Variants in KBTBD12 observed in about 807,000 individuals in gnomAD.
KBTBD12 encodes the protein kelch repeat and BTB domain containing 12.
In KBTBD12, 53 loss-of-function variants were observed where a neutral mutation model predicts 58.7. The observed-to-expected ratio is 0.90, with a 90% CI of 0.72 to 1.14. The LOEUF is 1.14. Ranked by LOEUF, KBTBD12 falls within the 50% of genes most tolerant of loss-of-function variation. KBTBD12 has a pLI of 0.00. For missense variants in KBTBD12, 704 were observed against 751.3 expected (o/e 0.94, Z 0.74); for synonymous variants, 236 against 259.8 (o/e 0.91, Z 0.88).
intron 4 of KBTBD12, among the ~76,000 whole-genome samples, chr3:127,956,251 G>C (rs1438698632): frequency 6.6e-6 from 1 of 152,062 alleles, no homozygotes; most frequent in Non-Finnish European, 1.5e-5. Flanking sequence ...AAAGACCAAA[G>C]TTTACCTGTG....
At chr3:127,920,356 A>C (rs1216056089) in intron 1 of KBTBD12, among the ~76,000 whole-genome samples, 1 of 151,168 alleles carries the variant, frequency 6.6e-6, no homozygotes, top group African/African-American at 2.4e-5. Flanking sequence ...TGTTTGTGAG[A>C]TACAGCCATG....
chr3:127,939,210 C>T (rs1280824392), intron 4 of KBTBD12, among the ~76,000 whole-genome samples: 2 of 152,184 alleles, frequency 1.3e-5, no homozygotes, highest in African/African-American at 4.8e-5. Flanking sequence ...GAAGAAACTT[C>T]CTCTCCATTT....
chr3:127,962,552 C>A lies in KBTBD12; in HGVS notation c.1493-637C>A, dbSNP rs74522456. The stretch of plus-strand genomic sequence containing the variant: ...ACAGCAGGAAACATGTTTTATGCAT[C>A]TTTCAGAACTCCTTATTATAACTTA... On this transcript the variant is annotated intron_variant, in intron 4 of 5. Coordinates refer to ENST00000405109, the MANE Select transcript of KBTBD12 (RefSeq NM_207335.4). Among the ~76,000 whole-genome samples the A allele has an allele frequency of 6.2e-3, 948 of 152,300 alleles. 10 individuals are homozygous for A. Among genetic ancestry groups the A allele is most frequent in the African/African-American group, 0.021 (893 of 41,568 alleles).
At chr3:127,957,300 T>TG (rs1940338854) in intron 4 of KBTBD12, among the ~76,000 whole-genome samples, 1 of 152,222 alleles carries the variant, frequency 6.6e-6, no homozygotes, top group Admixed American at 6.5e-5. Context: ...CAAGCATCCT[T>TG]TAGAAGATAT....
intron 4 of KBTBD12, among the ~76,000 whole-genome samples, chr3:127,954,440 T>C (rs1057157649): frequency 3.9e-5 from 6 of 152,212 alleles, no homozygotes; most frequent in African/African-American, 1.4e-4. Context: ...GATTTAAATA[T>C]GGTACCAGGG....
intron 5 of KBTBD12, among the ~76,000 whole-genome samples, chr3:127,983,134 G>A (rs1940901811): frequency 6.6e-6 from 1 of 152,224 alleles, no homozygotes; most frequent in South Asian, 2.1e-4. Flanking sequence ...ACAACGGCAT[G>A]CCCTGTCAGA....
chr3:127,934,590 TA>T, intron 4 of KBTBD12, among the ~76,000 whole-genome samples: 1 of 152,242 alleles, frequency 6.6e-6, no homozygotes, highest in East Asian at 1.9e-4. Flanking sequence ...TCATGTAGGA[TA>T]AATTCCCAGA....
At chr3:127,966,425 G>A (rs1271907738) in intron 5 of KBTBD12, among the ~76,000 whole-genome samples, 1 of 152,228 alleles carries the variant, frequency 6.6e-6, no homozygotes, top group African/African-American at 2.4e-5. Context: ...GGCTATGCCA[G>A]GAGAGGTGTC....
intron 4 of KBTBD12, among the ~76,000 whole-genome samples, chr3:127,935,250 G>A (rs1013430526): frequency 2.6e-5 from 4 of 152,080 alleles, no homozygotes; most frequent in Non-Finnish European, 4.4e-5. Context: ...CTGTAAAGCA[G>A]CAATTGTGAT....
intron 2 of KBTBD12, among the ~76,000 whole-genome samples, chr3:127,924,760 T>A (rs1939524755): frequency 1.3e-5 from 2 of 152,232 alleles, no homozygotes; most frequent in Admixed American, 6.5e-5. Context: ...AAAATGTTTG[T>A]AGTTGAAGAA....
chr3:127,918,570 G>C (rs1023748838), intron 1 of KBTBD12, among the ~76,000 whole-genome samples: 7 of 152,138 alleles, frequency 4.6e-5, no homozygotes, highest in African/African-American at 1.7e-4. Context: ...AAATTAGCTG[G>C]GGGTGGTGGC....
intron 5 of KBTBD12, among the ~76,000 whole-genome samples, chr3:127,980,367 T>G (rs2107618088): frequency 6.6e-6 from 1 of 152,348 alleles, no homozygotes; most frequent in South Asian, 2.1e-4. Context: ...TCTCGCTCTG[T>G]CGCGCAGGCT....
In KBTBD12 at chr3:127,915,563, C is replaced by G. The variant is rs1218890098; in HGVS notation, c.-136C>G. The G allele has an allele frequency of 6.6e-6, 1 of 152,368 alleles. No individual in the cohort carries two copies. Among genetic ancestry groups the G allele is most frequent in the African/African-American group, 2.4e-5 (1 of 41,478 alleles). The allele number at this position is 152,368 out of a possible 1,614,324, so 9.4% of individuals were successfully genotyped here. On this transcript the variant is annotated 5_prime_UTR_variant, in exon 1 of 6. Coordinates refer to ENST00000405109, the MANE Select transcript of KBTBD12 (RefSeq NM_207335.4). ...GGTCGTGGCCCAGCGAGTGGGGACG[C>G]GCCCCGAACCAGGCAGCACCTTCGT... is the stretch of plus-strand genomic sequence containing the variant.
intron 5 of KBTBD12, among the ~76,000 whole-genome samples, chr3:127,969,568 C>T (rs1014330776): frequency 6.6e-6 from 1 of 152,148 alleles, no homozygotes; most frequent in African/African-American, 2.4e-5. Flanking sequence ...TGAAGCTTTA[C>T]TTCAAAGCTA....
chr3:127,963,130 C>G, intron 4 of KBTBD12, 59 bp from the exon 5 acceptor site: 1 of 1,405,026 alleles, frequency 7.1e-7, no homozygotes, highest in Non-Finnish European at 9.7e-7. Flanking sequence ...GGGGGCAGTG[C>G]TGTCCACAAT....
intron 1 of KBTBD12, among the ~76,000 whole-genome samples, chr3:127,916,963 A>C (rs1176677573): frequency 2.6e-5 from 4 of 152,254 alleles, no homozygotes; most frequent in African/African-American, 9.6e-5. Flanking sequence ...CGAGTGGGAA[A>C]AAACACAGAA....
At chr3:127,977,386 T>C (rs1940801427) in intron 5 of KBTBD12, among the ~76,000 whole-genome samples, 1 of 152,254 alleles carries the variant, frequency 6.6e-6, no homozygotes, top group Admixed American at 6.5e-5. Flanking sequence ...ATAGTTCTGT[T>C]TTAAGTTCTT....
chr3:127,926,517 C>T (rs1576372183), intron 2 of KBTBD12, among the ~76,000 whole-genome samples: 2 of 152,088 alleles, frequency 1.3e-5, no homozygotes, highest in Admixed American at 6.5e-5. Flanking sequence ...CATCATAAGG[C>T]GTGATAAATT....
chr3:127,973,535 A>G (rs1274015977), intron 5 of KBTBD12, among the ~76,000 whole-genome samples: 2 of 152,178 alleles, frequency 1.3e-5, no homozygotes, highest in Non-Finnish European at 2.9e-5. Flanking sequence ...AGGTATGATA[A>G]TGGTTTGTGA....
Sources: gnomAD v4.1 joint callset for allele counts (sites outside exome capture counted in the v4.1 genomes callset) on GRCh38, gnomAD v4.1.1 for gene constraint, MANE v1.5 for transcripts, NCBI Gene and HGNC (gene_info 2026-07-23, HGNC 2026-07-21) for gene names.